CPE: variants seen among roughly 807,000 people sequenced by gnomAD.
The protein encoded by CPE is carbocypeptidase E.
Under a neutral mutation model 53.5 loss-of-function variants are expected in CPE, and 17 were observed. That is an observed-to-expected ratio of 0.32 (90% CI 0.22 to 0.48). CPE has a LOEUF of 0.48. Among genes scored for constraint, CPE ranks in the 20% least tolerant of loss-of-function variants. The probability of loss-of-function intolerance (pLI) is 0.99; values close to 1 mark genes in which losing one functional copy is unlikely to be tolerated. For missense variants in CPE, 524 were observed against 614.7 expected (o/e 0.85, Z 1.56); for synonymous variants, 226 against 228.8 (o/e 0.99, Z 0.11).
chr4:165,450,074 C>T (rs953805684), intron 1 of CPE, among the ~76,000 whole-genome samples: 13 of 151,698 alleles, frequency 8.6e-5, no homozygotes, highest in East Asian at 3.9e-4. Flanking sequence ...AAAGGTGATT[C>T]GTTAGTGTTT....
intron 1 of CPE, among the ~76,000 whole-genome samples, chr4:165,409,907 A>G (rs1731009618): frequency 6.6e-6 from 1 of 152,086 alleles, no homozygotes; most frequent in Non-Finnish European, 1.5e-5. Context: ...TTATTCATAA[A>G]CCACACAGGT....
intron 1 of CPE, among the ~76,000 whole-genome samples, chr4:165,416,980 T>G (rs9993860): frequency 0.3 from 45,826 of 151,902 alleles, 6,952 homozygotes; most frequent in Middle Eastern, 0.4. Flanking sequence ...TCTTATGAGA[T>G]GCTTTCTTCA....
intron 1 of CPE, among the ~76,000 whole-genome samples, chr4:165,392,797 A>C (rs1178424070): frequency 1.3e-5 from 2 of 148,558 alleles, no homozygotes; most frequent in Non-Finnish European, 3.0e-5. Flanking sequence ...TAAAATGAAC[A>C]TTTTCTCTAG....
intron 1 of CPE, among the ~76,000 whole-genome samples, chr4:165,444,755 A>T (rs1021781303): frequency 6.6e-6 from 1 of 152,088 alleles, no homozygotes; most frequent in Non-Finnish European, 1.5e-5. Context: ...GGTTAGAGAG[A>T]TTCATCTTGG....
intron 1 of CPE, among the ~76,000 whole-genome samples, chr4:165,447,135 G>A (rs891619314): frequency 1.7e-4 from 26 of 152,112 alleles, no homozygotes; most frequent in African/African-American, 5.6e-4. Flanking sequence ...ACCTGTATAG[G>A]GCACTTACCA....
At chr4:165,491,814 G>A (rs67407897) in intron 6 of CPE, among the ~76,000 whole-genome samples, 13,563 of 152,018 alleles carry the variant, frequency 0.089, 763 homozygotes, top group East Asian at 0.2. Flanking sequence ...TACCACTGCC[G>A]AATTTATTCT....
In CPE at chr4:165,396,746, A is replaced by G. The variant is rs891109434; in HGVS notation, c.307+17218A>G. On this transcript the variant is annotated intron_variant, in intron 1 of 8. Coordinates refer to ENST00000402744, the MANE Select transcript of CPE (RefSeq NM_001873.4). The stretch of plus-strand genomic sequence containing the variant: ...AATATAATATTTAAGGTTAGAGAAG[A>G]AGGCTGAGTGTGGTGGCTCACTCCT... 7.3e-5 allele frequency among the ~76,000 whole-genome samples: 11 copies of G among 149,842 alleles called. No individual in the cohort carries two copies. The South Asian group carries it at 2.1e-3, about 29-fold the overall frequency.
intron 1 of CPE, among the ~76,000 whole-genome samples, chr4:165,380,746 A>G (rs1479029037): frequency 6.6e-6 from 1 of 152,224 alleles, no homozygotes; most frequent in Non-Finnish European, 1.5e-5. Context: ...TCAAGAATAA[A>G]TCTTCAGGAA....
intron 5 of CPE, among the ~76,000 whole-genome samples, chr4:165,486,165 G>C (rs553212693): frequency 6.6e-6 from 1 of 151,854 alleles, no homozygotes; most frequent in Admixed American, 6.6e-5. Flanking sequence ...CCCAAGCCAG[G>C]TGGGAGATTC....
At chr4:165,447,721 A>C (rs1731741580) in intron 1 of CPE, among the ~76,000 whole-genome samples, 1 of 152,162 alleles carries the variant, frequency 6.6e-6, no homozygotes, top group Admixed American at 6.5e-5. Flanking sequence ...ACACAGAAGC[A>C]TTCTATAGCT....
chr4:165,383,593 A>T (rs1730538506), intron 1 of CPE, among the ~76,000 whole-genome samples: 1 of 152,240 alleles, frequency 6.6e-6, no homozygotes, highest in Non-Finnish European at 1.5e-5. Context: ...TTTCTTTCTC[A>T]AAGGCTGGAA....
At position 165,413,284 on chromosome 4, in the gene CPE, C is replaced by T. The variant is rs139193820; in HGVS notation, c.307+33756C>T. ...TCCAACGCCACTTTTCCTGAGTCCA[C>T]GGGCCTGGAAACCATGTGATGCTGG... is the stretch of plus-strand genomic sequence containing the variant. On this transcript the variant is annotated intron_variant, in intron 1 of 8. Coordinates refer to ENST00000402744, the MANE Select transcript of CPE (RefSeq NM_001873.4). Among the ~76,000 whole-genome samples, 1,046 of 152,212 alleles carry T rather than the reference C, an allele frequency of 6.9e-3. 14 individuals are homozygous for T. The highest frequency in any genetic ancestry group is 0.023 in the African/African-American group (973 of 41,528).
chr4:165,481,979 G>A (rs1026927064), intron 3 of CPE, among the ~76,000 whole-genome samples: 1 of 152,130 alleles, frequency 6.6e-6, no homozygotes, highest in African/African-American at 2.4e-5. Flanking sequence ...TACAAAGAGA[G>A]GATAACTGGC....
chr4:165,468,595 G>A (rs772192340), intron 3 of CPE, among the ~76,000 whole-genome samples: 12 of 151,964 alleles, frequency 7.9e-5, no homozygotes, highest in Admixed American at 1.3e-4. Flanking sequence ...CTCTGTCACC[G>A]CTCACCAGTT....
At chr4:165,420,163 C>G (rs1347643481) in intron 1 of CPE, among the ~76,000 whole-genome samples, 1 of 151,922 alleles carries the variant, frequency 6.6e-6, no homozygotes, top group Non-Finnish European at 1.5e-5. Flanking sequence ...CTTTGTTATT[C>G]CCACCAGTTT....
At chr4:165,463,652 T>C (rs1732049381) in intron 1 of CPE, among the ~76,000 whole-genome samples, 1 of 152,246 alleles carries the variant, frequency 6.6e-6, no homozygotes, top group Admixed American at 6.5e-5. Context: ...CATGTAACTA[T>C]GGAGACAGTC....
At chr4:165,386,450 A>G (rs926983116) in intron 1 of CPE, 1 of 380,706 alleles carries the variant, frequency 2.6e-6, no homozygotes. Context: ...CATAAAACAA[A>G]GCCATGTTGG....
At position 165,473,696 on chromosome 4, in the gene CPE, C is replaced by T. The variant is rs952410846; in HGVS notation, c.672+5841C>T. On this transcript the variant is annotated intron_variant, in intron 3 of 8. Coordinates refer to ENST00000402744, the MANE Select transcript of CPE (RefSeq NM_001873.4). ...CCCATCTTGGAAAGCATATTTTTGC[C>T]CAAAAGAGTGTGAATCTTTTCTTTT... is the stretch of plus-strand genomic sequence containing the variant. Among the ~76,000 whole-genome samples, 14 of 152,232 alleles carry T rather than the reference C, an allele frequency of 9.2e-5. 1 individual carries two copies. In the Middle Eastern group the frequency reaches 0.014, roughly 148 times the overall value.
chr4:165,406,354 G>C, intron 1 of CPE: 1 of 509,494 alleles, frequency 2.0e-6, no homozygotes, highest in Non-Finnish European at 3.8e-6. Context: ...ACCATGTTGA[G>C]CTGAAGAGAA....
Sources: gnomAD v4.1 joint callset for allele counts (sites outside exome capture counted in the v4.1 genomes callset) on GRCh38, gnomAD v4.1.1 for gene constraint, MANE v1.5 for transcripts, NCBI Gene and HGNC (gene_info 2026-07-23, HGNC 2026-07-21) for gene names.